The following HNF4A variants were observed in gnomAD, a reference collection of about 807,000 sequenced individuals.
HNF4A encodes the protein hepatocyte nuclear factor 4 alpha.
Under a neutral mutation model 52.4 loss-of-function variants are expected in HNF4A, and 15 were observed. That is an observed-to-expected ratio of 0.29 (90% confidence interval 0.19 to 0.44). The LOEUF is 0.44. Ranked by LOEUF, HNF4A falls within the 20% of genes least tolerant of loss-of-function variation. The pLI is 1.00. For missense variants in HNF4A, 479 were observed against 647.2 expected (o/e 0.74, Z 2.82); for synonymous variants, 280 against 264.4 (o/e 1.06, Z -0.57).
chr20:44,358,982 G>T (rs937152477), intron 1 of HNF4A, among the ~76,000 whole-genome samples: 8 of 152,260 alleles, frequency 5.3e-5, no homozygotes, highest in African/African-American at 1.9e-4. Flanking sequence ...ACTGGTTTTG[G>T]CTTTGCGGTT....
intron 1 of HNF4A, 22 bp downstream of exon 1, chr20:44,355,875 C>A: frequency 6.2e-7 from 1 of 1,605,874 alleles, no homozygotes; most frequent in Non-Finnish European, 8.5e-7. Flanking sequence ...TGGGGGAAGA[C>A]TGGACAGGGC....
intron 7 of HNF4A, among the ~76,000 whole-genome samples, chr20:44,421,125 T>C (rs765062663): frequency 1.3e-5 from 2 of 151,836 alleles, no homozygotes; most frequent in African/African-American, 2.4e-5. Context: ...TGAGTCTCTG[T>C]TGCAAGTTAT....
intron 1 of HNF4A, chr20:44,373,000 G>C (rs2063049634): frequency 6.6e-6 from 1 of 152,178 alleles, no homozygotes; most frequent in African/African-American, 2.4e-5. Flanking sequence ...CTGATCCTCA[G>C]TCTCCTCATC....
At position 44,382,641 on chromosome 20, in the gene HNF4A, G is replaced by T. The variant is rs544605990; in HGVS notation, c.50-23417G>T. Among the ~76,000 whole-genome samples, 3 of 152,222 alleles carry T rather than the reference G, an allele frequency of 2.0e-5. No individual in the cohort carries two copies. In the South Asian group the frequency reaches 6.2e-4, roughly 32 times the overall value. ...ACAATTGTCCATATATGCTCCTTAG[G>T]AGTAGAATGCCAAGGACCTCTTAGC... On this transcript the variant is annotated intron_variant, in intron 1 of 9. Coordinates refer to the HNF4A transcript ENST00000316673.
chr20:44,368,160 A>ATATATTTTTTT lies in HNF4A; in HGVS notation c.49+12308_49+12309insATATTTTTTTT, dbSNP rs1200638153. Among the ~76,000 whole-genome samples the ATATATTTTTTT allele has an allele frequency of 2.9e-4, 8 of 27,780 alleles. 1 individual carries two copies. The highest frequency in any genetic ancestry group is 3.6e-4 in the Non-Finnish European group (6 of 16,752). 18.2% of individuals were successfully genotyped at this position (27,780 alleles called of 152,430 possible). A position where few individuals can be genotyped will look rare whatever the true frequency, so the allele number is the denominator to read the frequency against. ...TATATACATATATATATATATATAT[A>ATATATTTTTTT]TTTTTTTTTTTTTTTTTTTTTTTTG... is the stretch of plus-strand genomic sequence containing the variant. On this transcript the variant is annotated intron_variant, in intron 1 of 9. Transcript: ENST00000316673.
intron 1 of HNF4A, among the ~76,000 whole-genome samples, chr20:44,390,865 G>A (rs896642061): frequency 4.6e-5 from 7 of 152,106 alleles, no homozygotes; most frequent in Non-Finnish European, 1.0e-4. Flanking sequence ...GAATCCAGAC[G>A]ACCTCAACAA....
At chr20:44,369,272 A>AAAAAAAAC (rs2063006298) in intron 1 of HNF4A, among the ~76,000 whole-genome samples, 1 of 148,316 alleles carries the variant, frequency 6.7e-6, no homozygotes, top group African/African-American at 2.5e-5. Context: ...AAAAAAAAAA[A>AAAAAAAAC]AAAAAACTGG....
At chr20:44,379,880 C>G (rs1266237068) in intron 1 of HNF4A, among the ~76,000 whole-genome samples, 1 of 152,056 alleles carries the variant, frequency 6.6e-6, no homozygotes, top group Non-Finnish European at 1.5e-5. Flanking sequence ...ATTACAGATG[C>G]ATGCCACCAT....
chr20:44,406,782 C>T lies in HNF4A; in HGVS notation c.290+550C>T, dbSNP rs573097737. On this transcript the variant is annotated intron_variant, in intron 2 of 9. Transcript: ENST00000316099. ...ATGTACAAAGACTGTGCCCCATCGG[C>T]GCATGACTTCATTTCACCTGTCAAC... 5.9e-5 allele frequency among the ~76,000 whole-genome samples: 9 copies of T among 152,346 alleles called. No individual in the cohort carries two copies. In the East Asian group the frequency reaches 1.5e-3, roughly 26 times the overall value.
intron 1 of HNF4A, among the ~76,000 whole-genome samples, chr20:44,369,348 T>G (rs1452695494): frequency 6.6e-6 from 1 of 151,118 alleles, no homozygotes; most frequent in South Asian, 2.1e-4. Flanking sequence ...GGGGATCGTT[T>G]GAACCCAGGA....
chr20:44,393,581 C>T (rs539148444), intron 1 of HNF4A, among the ~76,000 whole-genome samples: 51 of 152,326 alleles, frequency 3.3e-4, no homozygotes, highest in Non-Finnish European at 6.0e-4. Flanking sequence ...GTATATGGCT[C>T]AACCTCCCTG....
chr20:44,385,514 G>C (rs2063212289), intron 1 of HNF4A, among the ~76,000 whole-genome samples: 1 of 152,148 alleles, frequency 6.6e-6, no homozygotes, highest in Non-Finnish European at 1.5e-5. Context: ...TGTCGCCCAG[G>C]CTGGAGTGTA....
downstream of HNF4A, chr20:44,433,445 C>A (rs112291298): frequency 0.055 from 8,404 of 152,508 alleles, 245 homozygotes; most frequent in Non-Finnish European, 0.07. Context: ...CTTTGGGAGG[C>A]TGAGGCGGGA....
intron 5 of HNF4A, among the ~76,000 whole-genome samples, chr20:44,416,441 A>T (rs1012394989): frequency 6.6e-6 from 1 of 152,256 alleles, no homozygotes; most frequent in Non-Finnish European, 1.5e-5. Context: ...TGGGATTCAA[A>T]TCCAGGTCTT....
intron 1 of HNF4A, among the ~76,000 whole-genome samples, chr20:44,374,114 A>G (rs1415768961): frequency 6.6e-6 from 1 of 152,222 alleles, no homozygotes; most frequent in African/African-American, 2.4e-5. Context: ...ATAGTACCCA[A>G]CAGAGAGTTT....
chr20:44,357,866 A>G (rs2062875305), intron 1 of HNF4A, among the ~76,000 whole-genome samples: 1 of 149,404 alleles, frequency 6.7e-6, no homozygotes. Context: ...AACAAACAAA[A>G]AATGTCATCT....
At chr20:44,414,355 G>T in intron 4 of HNF4A, 152 bp from the exon 5 acceptor site, 1 of 1,108,966 alleles carries the variant, frequency 9.0e-7, no homozygotes, top group Admixed American at 1.8e-5. Flanking sequence ...CCCTCCCTCC[G>T]TTTTTACCCT....
At chr20:44,382,224 G>GCTTTCTTT (rs1208319487) in intron 1 of HNF4A, among the ~76,000 whole-genome samples, 6 of 148,194 alleles carry the variant, frequency 4.0e-5, no homozygotes, top group Non-Finnish European at 7.4e-5. Flanking sequence ...AAGGGGCATA[G>GCTTTCTTT]CTTTCTTTCT....
chr20:44,397,863 G>A (rs558730508), upstream of HNF4A, among the ~76,000 whole-genome samples: 1 of 152,268 alleles, frequency 6.6e-6, no homozygotes, highest in Admixed American at 6.5e-5. Context: ...CTGACCTCAG[G>A]TGATCTGCCT....
Sources: allele counts gnomAD v4.1 joint callset (sites outside exome capture counted in the v4.1 genomes callset), GRCh38; gene constraint gnomAD v4.1.1; transcripts MANE v1.5; gene names NCBI Gene and HGNC (gene_info 2026-07-23, HGNC 2026-07-21).